STK3: variants seen among roughly 807,000 people sequenced by gnomAD.
STK3 encodes serine/threonine kinase 3.
In STK3, 41 loss-of-function variants were observed where a neutral mutation model predicts 58.0. That is an observed-to-expected ratio of 0.71 (90% CI 0.55 to 0.92). STK3 has a LOEUF of 0.92. Ranked by LOEUF, STK3 falls within the 40% of genes least tolerant of loss-of-function variation. The pLI is 0.00. For synonymous variants in STK3, 170 were observed against 191.0 expected (o/e 0.89, Z 0.91); for missense variants, 479 against 602.7 (o/e 0.79, Z 2.15).
chr8:98,610,100 A>G (rs977094189), intron 6 of STK3, among the ~76,000 whole-genome samples: 3 of 152,178 alleles, frequency 2.0e-5, no homozygotes, highest in Admixed American at 6.5e-5. Context: ...TAGTAATAAA[A>G]CAGAAAATGA....
chr8:98,648,661 G>C (rs868657043), intron 6 of STK3, among the ~76,000 whole-genome samples: 1 of 152,132 alleles, frequency 6.6e-6, no homozygotes, highest in Non-Finnish European at 1.5e-5. Context: ...GGGAAGCCAA[G>C]GCAGATGAAT....
At chr8:98,523,281 T>C (rs911112683) in intron 10 of STK3, among the ~76,000 whole-genome samples, 8 of 152,206 alleles carry the variant, frequency 5.3e-5, no homozygotes, top group African/African-American at 1.9e-4. Flanking sequence ...TGATATGCAT[T>C]TCTCTAATGA....
chr8:98,482,838 T>C (rs756829454), intron 10 of STK3, among the ~76,000 whole-genome samples: 12 of 152,136 alleles, frequency 7.9e-5, no homozygotes, highest in Non-Finnish European at 1.6e-4. Flanking sequence ...GCATTACAAA[T>C]AGGTATTTCT....
At chr8:98,748,199 A>C (rs1829762070) in intron 4 of STK3, among the ~76,000 whole-genome samples, 2 of 152,196 alleles carry the variant, frequency 1.3e-5, no homozygotes, top group Non-Finnish European at 2.9e-5. Context: ...AAATGAGTTT[A>C]AAACAATTCT....
intron 1 of STK3, among the ~76,000 whole-genome samples, chr8:98,897,953 A>G (rs1838518572): frequency 6.6e-6 from 1 of 152,378 alleles, no homozygotes; most frequent in South Asian, 2.1e-4. Context: ...TCAAGAAATC[A>G]GAGCTCTTCT....
chr8:98,712,879 T>TTGGAACA (rs1587389897), intron 4 of STK3, among the ~76,000 whole-genome samples: 5 of 149,330 alleles, frequency 3.3e-5, no homozygotes, highest in East Asian at 2.0e-4. Context: ...ACCACATAGT[T>TTGGAACA]GGAAGTAAAG....
At chr8:98,924,029 T>C (rs1309917766) in intron 1 of STK3, among the ~76,000 whole-genome samples, 1 of 152,194 alleles carries the variant, frequency 6.6e-6, no homozygotes, top group Non-Finnish European at 1.5e-5. Flanking sequence ...AACCAGTCAT[T>C]GTACCCTGAA....
chr8:98,814,300 C>T (rs1339940000), intron 1 of STK3, among the ~76,000 whole-genome samples: 1 of 151,790 alleles, frequency 6.6e-6, no homozygotes, highest in Non-Finnish European at 1.5e-5. Flanking sequence ...ATCCACCTGC[C>T]TCAACCTCCC....
chr8:98,528,709 T>C (rs1397800049), intron 9 of STK3, among the ~76,000 whole-genome samples: 1 of 152,118 alleles, frequency 6.6e-6, no homozygotes, highest in Non-Finnish European at 1.5e-5. Context: ...AGTAAGCTAC[T>C]TTCTTAAGAA....
intron 8 of STK3, among the ~76,000 whole-genome samples, chr8:98,573,456 C>T (rs888952538): frequency 6.6e-6 from 1 of 151,816 alleles, no homozygotes; most frequent in Non-Finnish European, 1.5e-5. Flanking sequence ...TTCACTATCA[C>T]AAGAACGGGG....
At chr8:98,667,820 C>A (rs1158332258) in intron 6 of STK3, among the ~76,000 whole-genome samples, 1 of 151,954 alleles carries the variant, frequency 6.6e-6, no homozygotes, top group South Asian at 2.1e-4. Flanking sequence ...AATTGAACTA[C>A]AATCTTCAAT....
downstream of STK3, among the ~76,000 whole-genome samples, chr8:98,368,804 G>A (rs994976915): frequency 6.6e-6 from 1 of 152,150 alleles, no homozygotes; most frequent in Non-Finnish European, 1.5e-5. Context: ...CCTGGTCCTG[G>A]CTGTAACTTG....
chr8:98,674,098 T>C (rs937930281), intron 6 of STK3, among the ~76,000 whole-genome samples: 2 of 152,092 alleles, frequency 1.3e-5, no homozygotes, highest in Non-Finnish European at 2.9e-5. Flanking sequence ...ATATGAAAAA[T>C]GGAAACTAAA....
intron 3 of STK3, among the ~76,000 whole-genome samples, chr8:98,414,300 A>G (rs1339981414): frequency 6.6e-6 from 1 of 152,102 alleles, no homozygotes; most frequent in African/African-American, 2.4e-5. Flanking sequence ...TAAAATAGTA[A>G]TTTCGACACC....
chr8:98,699,283 T>G (rs1446624512), intron 6 of STK3, among the ~76,000 whole-genome samples: 5 of 152,222 alleles, frequency 3.3e-5, no homozygotes, highest in African/African-American at 9.6e-5. Flanking sequence ...TTCAAAGTTT[T>G]CAACTTCTTT....
At chr8:98,700,412 A>G (rs1825471855) in intron 6 of STK3, among the ~76,000 whole-genome samples, 1 of 152,174 alleles carries the variant, frequency 6.6e-6, no homozygotes, top group South Asian at 2.1e-4. Context: ...AGTGAGATGA[A>G]CCCAGTACCT....
At chr8:98,440,321 A>G (rs1202409654) in intron 1 of STK3, among the ~76,000 whole-genome samples, 1 of 152,124 alleles carries the variant, frequency 6.6e-6, no homozygotes, top group Non-Finnish European at 1.5e-5. Flanking sequence ...TCCCATTTCC[A>G]TTTTTTAAAA....
chr8:98,431,294 T>C (rs995887783), intron 3 of STK3: 5 of 167,094 alleles, frequency 3.0e-5, no homozygotes, highest in African/African-American at 1.2e-4. Flanking sequence ...AATCTTTCCA[T>C]TGGACTGGAG....
At chr8:98,809,621 C>T (rs957655022) in intron 1 of STK3, among the ~76,000 whole-genome samples, 16 of 152,278 alleles carry the variant, frequency 1.1e-4, no homozygotes, top group African/African-American at 3.8e-4. Context: ...CTTCAGTTAG[C>T]ATAATGTTTT....
Sources: gnomAD v4.1 joint callset for allele counts (sites outside exome capture counted in the v4.1 genomes callset) on GRCh38, gnomAD v4.1.1 for gene constraint, MANE v1.5 for transcripts, NCBI Gene and HGNC (gene_info 2026-07-23, HGNC 2026-07-21) for gene names.